TMEM126B: variants seen among roughly 807,000 people sequenced by gnomAD.
The protein encoded by TMEM126B is transmembrane protein 126B.
A neutral mutation model predicts 16.5 loss-of-function variants in TMEM126B; 19 were observed. That is an observed-to-expected ratio of 1.15 (90% CI 0.80 to 1.69). The LOEUF is 1.69. TMEM126B is among the 40% of genes most tolerant of loss of function. TMEM126B has a pLI of 0.00. For missense variants in TMEM126B, 293 were observed against 278.7 expected (o/e 1.05, Z -0.37); for synonymous variants, 104 against 93.2 (o/e 1.12, Z -0.67).
In TMEM126B at chr11:85,635,847, T is replaced by G; in HGVS notation, c.509+69T>G. ...TTTTTTTTTTTTTTTTTTAGGTTAATAAACTCTCTTTCTTCTTTAGCTGTC... is the reference window on the plus strand; with the variant it reads ...TTTTTTTTTTTTTTTTTTAGGTTAAGAAACTCTCTTTCTTCTTTAGCTGTC... On this transcript the variant is annotated intron_variant, in intron 4 of 4. Coordinates refer to ENST00000358867, the MANE Select transcript of TMEM126B (RefSeq NM_018480.7). The G allele has an allele frequency of 2.9e-6, 3 of 1,032,064 alleles. No homozygotes were observed. The East Asian group carries it at 8.1e-5, about 28-fold the overall frequency. The allele number at this position is 1,032,064 out of a possible 1,614,324, so 63.9% of individuals were successfully genotyped here. A position where few individuals can be genotyped will look rare whatever the true frequency, so the allele number is the denominator to read the frequency against.
In TMEM126B at chr11:85,628,596, T is replaced by C. The variant is rs1043050302; in HGVS notation, c.-12T>C. ...GGTCCCCGCCCACCGGCAAGTCACA[T>C]GAGCCACCAAAATGGTGGTGTTCGG... On this transcript the variant is annotated 5_prime_UTR_variant, in exon 1 of 5. An upstream start codon of the reference 5' UTR is lost. Transcript: ENST00000358867. 147 of 1,535,504 alleles carry C rather than the reference T, an allele frequency of 9.6e-5. No homozygotes were observed. The highest frequency in any genetic ancestry group is 1.2e-4 in the Non-Finnish European group (139 of 1,146,746).
chr11:85,629,553 A>G (rs1025946761), intron 1 of TMEM126B, among the ~76,000 whole-genome samples: 4 of 152,164 alleles, frequency 2.6e-5, no homozygotes, highest in African/African-American at 7.2e-5. Flanking sequence ...TTTTCCCTAT[A>G]GAGACTTTAG....
chr11:85,632,391 G>A (rs935332627), intron 2 of TMEM126B, among the ~76,000 whole-genome samples: 1 of 152,114 alleles, frequency 6.6e-6, no homozygotes, highest in Non-Finnish European at 1.5e-5. Context: ...TTACAGGCGT[G>A]TACCACCACA....
chr11:85,630,959 G>A (rs780100672), intron 1 of TMEM126B, among the ~76,000 whole-genome samples: 4 of 152,168 alleles, frequency 2.6e-5, no homozygotes, highest in Non-Finnish European at 4.4e-5. Context: ...TATACCACAT[G>A]ACCATTTCTA....
Position 85,628,738 on chromosome 11 carries a change from G to A in TMEM126B, c.81+50G>A, listed in dbSNP as rs561975818. ...GGGGGGTGATTTCTGCACCTTCAAA[G>A]TGTTGGCAGACTCTTCTAAGATGAT... On this transcript the variant is annotated intron_variant, in intron 1 of 4. Coordinates refer to ENST00000358867, the MANE Select transcript of TMEM126B (RefSeq NM_018480.7). 70 of 1,493,850 alleles carry A rather than the reference G, an allele frequency of 4.7e-5. No individual in the cohort carries two copies. In the African/African-American group the frequency reaches 8.8e-4, roughly 19 times the overall value. The allele number at this position is 1,493,850 out of a possible 1,614,324, so 92.5% of individuals were successfully genotyped here.
chr11:85,636,338 C>A lies in TMEM126B; in HGVS notation c.*109C>A. ...CTGTGAACAAATAATTTGTTCTGTG[C>A]CTTTTGCCTGGTATATAGCAAATAC... On this transcript the variant is annotated 3_prime_UTR_variant, in exon 5 of 5. Transcript: ENST00000358867. 2 of 776,398 alleles carry A rather than the reference C, an allele frequency of 2.6e-6. No homozygotes were observed. The highest frequency in any genetic ancestry group is 3.7e-6 in the Non-Finnish European group (2 of 533,456). 48.1% of individuals were successfully genotyped at this position (776,398 alleles called of 1,614,324 possible). A position where few individuals can be genotyped will look rare whatever the true frequency, so the allele number is the denominator to read the frequency against.
intron 1 of TMEM126B, among the ~76,000 whole-genome samples, 162 bp downstream of exon 1, chr11:85,628,850 G>A (rs925942509): frequency 2.6e-5 from 4 of 152,238 alleles, no homozygotes; most frequent in African/African-American, 9.6e-5. Flanking sequence ...TGTGGAAAGA[G>A]GCGGAGAGAA....
chr11:85,632,998 T>C (rs1461894338), intron 2 of TMEM126B, among the ~76,000 whole-genome samples: 2 of 152,076 alleles, frequency 1.3e-5, no homozygotes, highest in Non-Finnish European at 2.9e-5. Flanking sequence ...TTCCCCTTCC[T>C]GTGTCCATGT....
intron 4 of TMEM126B, 47 bp downstream of exon 4, chr11:85,635,825 T>TC (rs902540323): frequency 1.7e-5 from 21 of 1,269,102 alleles, no homozygotes; most frequent in Middle Eastern, 2.6e-4. Context: ...TCTTTTCTTT[T>TC]TTTTTTTTTT....
intron 1 of TMEM126B, chr11:85,631,040 AGCCACAATCCACT>A (rs1398872657): frequency 2.5e-6 from 2 of 790,028 alleles, no homozygotes; most frequent in East Asian, 1.3e-4. Context: ...CCAAAGTAGT[AGCCACAATCCACT>A]GCCTGTTCCC....
At chr11:85,631,605 A>T in intron 1 of TMEM126B, 82 bp from the exon 2 acceptor site, 1 of 1,472,608 alleles carries the variant, frequency 6.8e-7, no homozygotes, top group Non-Finnish European at 9.1e-7. Context: ...AATGTTTTCA[A>T]ATCTGAATCT....
intron 3 of TMEM126B, 58 bp from the exon 4 acceptor site, chr11:85,635,609 C>T: frequency 8.4e-7 from 1 of 1,192,842 alleles, no homozygotes; most frequent in Non-Finnish European, 1.2e-6. Context: ...TGAGGTACAA[C>T]ACTGTCTTAA....
chr11:85,632,388 C>T (rs1190903587), intron 2 of TMEM126B, among the ~76,000 whole-genome samples: 2 of 152,084 alleles, frequency 1.3e-5, no homozygotes, highest in East Asian at 1.9e-4. Context: ...GGATTACAGG[C>T]GTGTACCACC....
intron 3 of TMEM126B, chr11:85,634,507 G>A (rs1415598535): frequency 4.7e-6 from 2 of 425,506 alleles, no homozygotes; most frequent in East Asian, 9.0e-5. Flanking sequence ...GCATGTTCAA[G>A]TACGCTAATA....
intron 1 of TMEM126B, chr11:85,631,077 G>T (rs1212941409): frequency 8.5e-7 from 1 of 1,182,162 alleles, no homozygotes; most frequent in Non-Finnish European, 1.1e-6. Flanking sequence ...CTGGAGCAGT[G>T]TCCCTCTTTC....
intron 1 of TMEM126B, 33 bp downstream of exon 1, chr11:85,628,721 AT>A: frequency 6.6e-7 from 1 of 1,519,738 alleles, no homozygotes; most frequent in African/African-American, 1.5e-5. Flanking sequence ...ATGGGGGGTG[AT>A]TTCTGCACCT....
intron 3 of TMEM126B, 62 bp downstream of exon 3, chr11:85,634,341 A>G: frequency 8.3e-7 from 1 of 1,208,796 alleles, no homozygotes; most frequent in South Asian, 1.3e-5. Context: ...TTATTAACAT[A>G]TACTGTTGCT....
intron 2 of TMEM126B, 22 bp from the exon 3 acceptor site, chr11:85,634,063 GA>G: frequency 6.3e-7 from 1 of 1,577,502 alleles, no homozygotes; most frequent in Non-Finnish European, 8.6e-7. Flanking sequence ...ATAGTGAACT[GA>G]ATTTTTCTTT....
intron 1 of TMEM126B, chr11:85,628,988 A>G: frequency 4.0e-6 from 2 of 494,254 alleles, no homozygotes; most frequent in Non-Finnish European, 7.7e-6. Context: ...TCCCCTGCCA[A>G]ACTGTTCTCT....
Sources: allele counts gnomAD v4.1 joint callset (sites outside exome capture counted in the v4.1 genomes callset), GRCh38; gene constraint gnomAD v4.1.1; transcripts MANE v1.5; gene names NCBI Gene and HGNC (gene_info 2026-07-23, HGNC 2026-07-21).